TDRD9: variants seen among roughly 807,000 people sequenced by gnomAD.
The protein encoded by TDRD9 is ATP-dependent RNA helicase TDRD9.
Under a neutral mutation model 172.6 loss-of-function variants are expected in TDRD9, and 124 were observed. That is an observed-to-expected ratio of 0.72 (90% CI 0.62 to 0.83). The LOEUF is 0.83. TDRD9 is among the 40% of genes least tolerant of loss of function. The pLI is 0.00. For missense variants in TDRD9, 1,479 were observed against 1,714.1 expected, an observed-to-expected ratio of 0.86 and a Z score of 2.42; for synonymous variants, 619 against 617.1, an observed-to-expected ratio of 1.00 and a Z score of -0.05.
At chr14:103,956,111 A>AATATATATATAT (rs1173008862) in intron 2 of TDRD9, among the ~76,000 whole-genome samples, 10 of 18,348 alleles carry the variant, frequency 5.5e-4, no homozygotes, top group South Asian at 3.2e-3. Flanking sequence ...AAAAAAAAAA[A>AATATATATATAT]ATATATATAT....
intron 1 of TDRD9, chr14:103,940,658 T>C (rs1023716579): frequency 3.3e-5 from 19 of 581,078 alleles, no homozygotes; most frequent in Non-Finnish European, 5.4e-5. Flanking sequence ...TTAGAGTGGT[T>C]AAAAAAAGAA....
rs185004641 is a variant in TDRD9, at chr14:104,034,392, G to A, written c.3619+323G>A. ...TTTTTAGTAGAGATGGGGTTTCACT[G>A]TGTTAGCCAGGATAGTCTTGATCTC... On this transcript the variant is annotated intron_variant, in intron 31 of 35. Transcript: ENST00000409874. Among the ~76,000 whole-genome samples, 11 of 152,006 alleles carry A rather than the reference G, an allele frequency of 7.2e-5. No homozygotes were observed. The East Asian group carries it at 1.9e-3, about 27-fold the overall frequency.
Position 104,031,320 on chromosome 14 carries a change from G to A in TDRD9, c.3438+57G>A, listed in dbSNP as rs996707321. 4.1e-6 allele frequency: 6 copies of A among 1,464,772 alleles called. No individual in the cohort carries two copies. In the African/African-American group the frequency reaches 7.1e-5, roughly 17 times the overall value. 90.7% of individuals were successfully genotyped at this position (1,464,772 alleles called of 1,614,324 possible). ...AAGCTTAGTATCATTTTACATTTAT[G>A]TGCTAGGAGTTGTAGTCAGTAGTCA... On this transcript the variant is annotated intron_variant, in intron 29 of 35. Coordinates refer to ENST00000409874, the MANE Select transcript of TDRD9 (RefSeq NM_153046.3).
At chr14:103,957,234 G>C (rs2032291734) in intron 2 of TDRD9, among the ~76,000 whole-genome samples, 2 of 152,146 alleles carry the variant, frequency 1.3e-5, no homozygotes, top group Non-Finnish European at 1.5e-5. Flanking sequence ...ATTTCTGCTA[G>C]ATCTATCACC....
intron 24 of TDRD9, among the ~76,000 whole-genome samples, chr14:104,024,349 T>C (rs1014926182): frequency 6.6e-6 from 1 of 152,124 alleles, no homozygotes; most frequent in Non-Finnish European, 1.5e-5. Flanking sequence ...GGGTAGTATA[T>C]AATTTTTGGG....
chr14:103,930,923 CTT>C (rs996801994), intron 1 of TDRD9, among the ~76,000 whole-genome samples: 38 of 145,470 alleles, frequency 2.6e-4, no homozygotes, highest in Middle Eastern at 3.7e-3. Flanking sequence ...TGGACTGAGA[CTT>C]TTATAAAATC....
intron 12 of TDRD9, among the ~76,000 whole-genome samples, chr14:103,996,866 A>C (rs563950888): frequency 1.3e-5 from 2 of 152,194 alleles, no homozygotes; most frequent in Non-Finnish European, 2.9e-5. Flanking sequence ...TGATCAGGGA[A>C]TGTGACAAGT....
intron 1 of TDRD9, chr14:103,941,019 G>A: frequency 6.5e-7 from 1 of 1,535,292 alleles, no homozygotes; most frequent in Non-Finnish European, 8.7e-7. Flanking sequence ...TGTCAGAGCT[G>A]CTTAGGAAGT....
chr14:104,000,487 A>T (rs1566772335), intron 13 of TDRD9, among the ~76,000 whole-genome samples: 3 of 152,116 alleles, frequency 2.0e-5, no homozygotes, highest in African/African-American at 4.8e-5. Context: ...ACTATGCTTA[A>T]AAAATGACTA....
chr14:104,026,933 G>A lies in TDRD9; in HGVS notation c.3276G>A (p.Glu1092=), dbSNP rs753523894. ...GYAELTEESY[E]SKQSHEVLKG... The stretch of plus-strand genomic sequence containing the variant: ...CCGAGCTCACGGAGGAGTCCTACGA[G>A]TCCAAGGTGTGTGCTTTCGCCGTTG... The change falls in exon 28 of 36, where the codon GAG becomes GAA. Residue 1092 remains glutamate, a synonymous_variant. Coordinates refer to ENST00000409874, the MANE Select transcript of TDRD9 (RefSeq NM_153046.3). The A allele has an allele frequency of 1.9e-6, 3 of 1,613,102 alleles. No individual in the cohort carries two copies. The South Asian group carries it at 3.3e-5, about 18-fold the overall frequency.
intron 11 of TDRD9, among the ~76,000 whole-genome samples, 173 bp downstream of exon 11, chr14:103,994,776 G>A (rs1448710119): frequency 1.3e-5 from 2 of 151,898 alleles, no homozygotes; most frequent in Non-Finnish European, 2.9e-5. Flanking sequence ...GCCTCATGGC[G>A]AAACCCCATC....
At chr14:103,935,648 T>A (rs932955261) in intron 1 of TDRD9, among the ~76,000 whole-genome samples, 2 of 152,124 alleles carry the variant, frequency 1.3e-5, no homozygotes, top group Non-Finnish European at 2.9e-5. Flanking sequence ...GGATGTATCC[T>A]AGTGAGTGGG....
intron 28 of TDRD9, among the ~76,000 whole-genome samples, chr14:104,030,460 C>T (rs1291234960): frequency 6.6e-6 from 1 of 152,192 alleles, no homozygotes. Context: ...CATTGCACTC[C>T]AGCCTGGGCG....
intron 7 of TDRD9, among the ~76,000 whole-genome samples, chr14:103,982,732 AC>A (rs971885540): frequency 1.3e-5 from 2 of 151,674 alleles, no homozygotes; most frequent in African/African-American, 4.8e-5. Context: ...AGAAACCCCA[AC>A]TCTACTAAAA....
chr14:103,974,519 T>C (rs1405585848), intron 6 of TDRD9, among the ~76,000 whole-genome samples: 1 of 152,268 alleles, frequency 6.6e-6, no homozygotes, highest in Non-Finnish European at 1.5e-5. Context: ...ACCACTGTCG[T>C]CCTGGGACTT....
intron 33 of TDRD9, among the ~76,000 whole-genome samples, chr14:104,041,684 C>T (rs1430055519): frequency 6.6e-6 from 1 of 152,164 alleles, no homozygotes; most frequent in Non-Finnish European, 1.5e-5. Flanking sequence ...CTGACAGTAA[C>T]CAGCAATGGC....
chr14:103,994,607 G>C lies in TDRD9; in HGVS notation c.1320+4G>C. The C allele has an allele frequency of 6.2e-7, 1 of 1,609,504 alleles. No homozygotes were observed. Among genetic ancestry groups the C allele is most frequent in the Non-Finnish European group, 8.5e-7 (1 of 1,177,186 alleles). ...TCCAGTCCCTGGGTACAGAAAGGTA[G>C]GAAAACTGGGAAGACAAGTTCTAAG... On this transcript the variant is annotated splice_donor_region_variant and intron_variant, in intron 11 of 35. Coordinates refer to ENST00000409874, the MANE Select transcript of TDRD9 (RefSeq NM_153046.3).
At chr14:103,977,295 T>A (rs1383338157) in intron 7 of TDRD9, among the ~76,000 whole-genome samples, 1 of 151,746 alleles carries the variant, frequency 6.6e-6, no homozygotes, top group Non-Finnish European at 1.5e-5. Context: ...ATCGAGACCA[T>A]CCTGGCTAAC....
intron 6 of TDRD9, among the ~76,000 whole-genome samples, chr14:103,974,613 A>G (rs953697749): frequency 4.6e-5 from 7 of 152,130 alleles, no homozygotes; most frequent in Non-Finnish European, 8.8e-5. Context: ...GGAACACATC[A>G]TAGAGTAACT....
Sources: allele counts gnomAD v4.1 joint callset (sites outside exome capture counted in the v4.1 genomes callset), GRCh38; gene constraint gnomAD v4.1.1; transcripts MANE v1.5; gene names NCBI Gene and HGNC (gene_info 2026-07-23, HGNC 2026-07-21).